OR6N1: variants seen among roughly 807,000 people sequenced by gnomAD.
The protein encoded by OR6N1 is olfactory receptor family 6 subfamily N member 1, also known as olfactory receptor 6N1.
For missense variants in OR6N1, 394 were observed against 371.7 expected (o/e 1.06, Z -0.49); for synonymous variants, 170 against 150.7 (o/e 1.13, Z -0.94).
the OR6N1 span, among the ~76,000 whole-genome samples, chr1:158,840,053 A>AT: frequency 6.6e-6 from 1 of 152,082 alleles, no homozygotes; most frequent in Non-Finnish European, 1.5e-5. Context: ...TTTTTAATTC[A>AT]TTTTTTTAGG....
the OR6N1 span, among the ~76,000 whole-genome samples, chr1:158,780,445 C>T: frequency 3.9e-5 from 6 of 152,162 alleles, no homozygotes; most frequent in Admixed American, 1.3e-4. Context: ...TCAAATGCAG[C>T]TTCTCCTGAG....
the OR6N1 span, among the ~76,000 whole-genome samples, chr1:158,806,514 G>A: frequency 2.0e-5 from 3 of 152,150 alleles, no homozygotes; most frequent in Non-Finnish European, 4.4e-5. Context: ...GGGAATTTAA[G>A]TGTATTGCAT....
At chr1:158,791,721 G>A in the OR6N1 span, among the ~76,000 whole-genome samples, 1 of 152,106 alleles carries the variant, frequency 6.6e-6, no homozygotes, top group African/African-American at 2.4e-5. Context: ...GCCTGCCTCG[G>A]CCTCCCAAAG....
the OR6N1 span, among the ~76,000 whole-genome samples, chr1:158,794,862 C>G: frequency 6.6e-6 from 1 of 152,218 alleles, no homozygotes; most frequent in African/African-American, 2.4e-5. Flanking sequence ...AAAAGAACAT[C>G]AGCTGCAGTA....
At chr1:158,777,205 A>C in the OR6N1 span, 1 of 1,614,144 alleles carries the variant, frequency 6.2e-7, no homozygotes. Flanking sequence ...AGCAGCAGCC[A>C]TCTTGGCACA....
At chr1:158,803,820 CT>C in the OR6N1 span, among the ~76,000 whole-genome samples, 1 of 152,132 alleles carries the variant, frequency 6.6e-6, no homozygotes, top group African/African-American at 2.4e-5. Context: ...TAGTTCTTGC[CT>C]AGTCAAGAAC....
chr1:158,796,052 G>A, the OR6N1 span: 869 of 152,352 alleles, frequency 5.7e-3, 4 homozygotes, highest in Admixed American at 8.2e-3. Context: ...CCATGATCAC[G>A]TACTTGAGGT....
At chr1:158,787,635 T>TCTCTCTCTCACACA in the OR6N1 span, among the ~76,000 whole-genome samples, 163 of 134,300 alleles carry the variant, frequency 1.2e-3, 1 homozygote, top group African/African-American at 4.3e-3. Flanking sequence ...TCTCTCTCTC[T>TCTCTCTCTCACACA]CACACACACA....
At chr1:158,823,074 G>T in the OR6N1 span, among the ~76,000 whole-genome samples, 2 of 152,156 alleles carry the variant, frequency 1.3e-5, no homozygotes, top group Non-Finnish European at 2.9e-5. Context: ...TGGTCATGGT[G>T]GACTAGTGTT....
chr1:158,795,436 G>A, the OR6N1 span, among the ~76,000 whole-genome samples: 1 of 152,084 alleles, frequency 6.6e-6, no homozygotes. Context: ...TTGCTTGCTG[G>A]TTCTGGCCAC....
At chr1:158,813,856 G>A in the OR6N1 span, among the ~76,000 whole-genome samples, 15,171 of 151,576 alleles carry the variant, frequency 0.1, 797 homozygotes, top group East Asian at 0.12. Flanking sequence ...CTCCATGCCC[G>A]GTTGATTTTT....
rs532605144 is a variant in OR6N1, at chr1:158,769,946, T to A, written c.-19+2075A>T. 6.6e-4 allele frequency among the ~76,000 whole-genome samples: 100 copies of A among 152,334 alleles called. 1 individual carries two copies. Among genetic ancestry groups the A allele is most frequent in the African/African-American group, 2.3e-3 (97 of 41,580 alleles). On this transcript the variant is annotated intron_variant, in intron 1 of 1. Coordinates refer to ENST00000641846, the MANE Select transcript of OR6N1 (RefSeq NM_001005185.2). ...TTCAAGTCTTGAATGCATACCTGCC[T>A]TCTATAAAGGATTATCCCTAAATTT...
the OR6N1 span, among the ~76,000 whole-genome samples, chr1:158,807,989 G>A: frequency 6.6e-6 from 1 of 151,900 alleles, no homozygotes; most frequent in Non-Finnish European, 1.5e-5. Context: ...TTCTTTACTG[G>A]TATTTTCTTT....
At chr1:158,836,573 C>G in the OR6N1 span, among the ~76,000 whole-genome samples, 3 of 151,790 alleles carry the variant, frequency 2.0e-5, no homozygotes, top group Admixed American at 6.6e-5. Flanking sequence ...GTAATGTTCT[C>G]TTTTTAGTTT....
upstream of OR6N1, chr1:158,775,069 G>T (rs940810235): frequency 1.3e-5 from 2 of 152,132 alleles, no homozygotes; most frequent in Non-Finnish European, 2.9e-5. Flanking sequence ...AATAATTTGA[G>T]ACCAAATCTA....
At chr1:158,830,210 T>C in the OR6N1 span, among the ~76,000 whole-genome samples, 1 of 152,184 alleles carries the variant, frequency 6.6e-6, no homozygotes. Context: ...GTGTTCCTCT[T>C]TACCCTTTAC....
At position 158,767,549 on chromosome 1, in the gene OR6N1, T is replaced by G. The variant is rs185763536; in HGVS notation, c.-18-849A>C. On this transcript the variant is annotated intron_variant, in intron 1 of 1. Transcript: ENST00000641846. ...ATTTTCAGTACTCTGGGCATTATAC[T>G]TAGAACAGGGACTAAACAAATAAAA... 5.0e-3 allele frequency among the ~76,000 whole-genome samples: 758 copies of G among 152,326 alleles called. 7 individuals are homozygous for G. The highest frequency in any genetic ancestry group is 0.017 in the African/African-American group (708 of 41,560).
chr1:158,820,856 C>A, the OR6N1 span, among the ~76,000 whole-genome samples: 3 of 152,076 alleles, frequency 2.0e-5, no homozygotes. Flanking sequence ...GGAAAAAAAA[C>A]CCAGCTAGAG....
rs775962661 is a variant in OR6N1, at chr1:158,765,694, T to G, written c.*50A>C. The G allele has an allele frequency of 6.2e-6, 9 of 1,457,462 alleles. No individual in the cohort carries two copies. The highest frequency in any genetic ancestry group is 1.8e-5 in the Admixed American group (1 of 54,808). 90.3% of individuals were successfully genotyped at this position (1,457,462 alleles called of 1,614,324 possible). A position where few individuals can be genotyped will look rare whatever the true frequency, so the allele number is the denominator to read the frequency against. Reference sequence around the variant, plus strand: ...CTCGTCTCTGGCCACTGTTGATCCCTGGGGCCACCATATCCTCAGGCCCGG... The same window carrying G: ...CTCGTCTCTGGCCACTGTTGATCCCGGGGGCCACCATATCCTCAGGCCCGG... On this transcript the variant is annotated 3_prime_UTR_variant, in exon 2 of 2. Coordinates refer to ENST00000641846, the MANE Select transcript of OR6N1 (RefSeq NM_001005185.2).
Sources: allele counts gnomAD v4.1 joint callset (sites outside exome capture counted in the v4.1 genomes callset), GRCh38; gene constraint gnomAD v4.1.1; transcripts MANE v1.5; gene names NCBI Gene and HGNC (gene_info 2026-07-23, HGNC 2026-07-21).